Variants in MED13 observed in about 807,000 individuals in gnomAD.
MED13 encodes mediator of RNA polymerase II transcription subunit 13.
MED13 carries 23 observed loss-of-function variants against 225.2 expected under a neutral mutation model. That is an observed-to-expected ratio of 0.10 (90% CI 0.07 to 0.14). MED13 has a LOEUF of 0.14. Ranked by LOEUF, MED13 falls within the 10% of genes least tolerant of loss-of-function variation. MED13 has a pLI of 1.00. For synonymous variants in MED13, 942 were observed against 889.2 expected (o/e 1.06, Z -1.06); for missense variants, 2,197 against 2,594.5 (o/e 0.85, Z 3.33).
chr17:62,015,930 ATATATATATATATATATATATATATTT>A (rs1329932947), intron 8 of MED13, among the ~76,000 whole-genome samples: 9 of 6,644 alleles, frequency 1.4e-3, no homozygotes, highest in African/African-American at 2.8e-3. Flanking sequence ...ATATATATAT[ATATATATATATATATATATATATATTT>A]TTTTTTTTTT....
At chr17:61,993,835 G>GCAGGAGAATCACTTGAAT (rs2080323794) in intron 10 of MED13, among the ~76,000 whole-genome samples, 1 of 151,764 alleles carries the variant, frequency 6.6e-6, no homozygotes, top group Admixed American at 6.6e-5. Flanking sequence ...GGAGGCTGAG[G>GCAGGAGAATCACTTGAAT]CAGGAGAATC....
intron 8 of MED13, among the ~76,000 whole-genome samples, chr17:62,016,547 T>C (rs1187347432): frequency 1.3e-5 from 2 of 152,202 alleles, no homozygotes; most frequent in Non-Finnish European, 2.9e-5. Context: ...ACAAGTTACA[T>C]GTAGCTATTA....
intron 8 of MED13, among the ~76,000 whole-genome samples, chr17:62,012,960 T>A (rs1035928808): frequency 6.6e-6 from 1 of 151,986 alleles, no homozygotes; most frequent in African/African-American, 2.4e-5. Context: ...ACCTAGCTAA[T>A]TTTTGTATTT....
intron 8 of MED13, among the ~76,000 whole-genome samples, chr17:62,011,467 C>T (rs1427967466): frequency 6.6e-6 from 1 of 152,088 alleles, no homozygotes; most frequent in Non-Finnish European, 1.5e-5. Flanking sequence ...ATTTAATAGC[C>T]ATGTGATCAG....
chr17:62,036,074 G>GGTC (rs1435349008), intron 3 of MED13, among the ~76,000 whole-genome samples: 3 of 150,658 alleles, frequency 2.0e-5, no homozygotes, highest in Non-Finnish European at 1.5e-5. Flanking sequence ...ACAGATGTGG[G>GGTC]CCACTGTACC....
intron 11 of MED13, among the ~76,000 whole-genome samples, chr17:61,991,960 T>C (rs941497987): frequency 2.0e-5 from 3 of 152,212 alleles, no homozygotes; most frequent in Admixed American, 1.3e-4. Flanking sequence ...TTTTCAATTA[T>C]AATTTAAACA....
chr17:61,959,310 A>G (rs2079977060), intron 23 of MED13, among the ~76,000 whole-genome samples: 1 of 152,242 alleles, frequency 6.6e-6, no homozygotes, highest in South Asian at 2.1e-4. Context: ...CACCATGCCC[A>G]GCCCCATCAT....
Position 61,962,845 on chromosome 17 carries a change from G to C in MED13, c.4971C>G (p.Asn1657Lys). The C allele has an allele frequency of 6.2e-7, 1 of 1,614,104 alleles. No homozygotes were observed. ...FTYENTDEST[N>K]SSSVWTLGLL... Reference sequence around the variant, plus strand: ...GCCCCAATGTCCACACACTAGAAGAGTTAGTGCTCTCGTCTGTATTTTCGT... The same window carrying C: ...GCCCCAATGTCCACACACTAGAAGACTTAGTGCTCTCGTCTGTATTTTCGT... The change falls in exon 21 of 30, where the codon AAC becomes AAG. Residue 1657 changes from asparagine to lysine, a missense_variant. Coordinates refer to ENST00000397786, the MANE Select transcript of MED13 (RefSeq NM_005121.3).
In MED13 at chr17:62,063,252, G is replaced by A. The variant is rs552358717; in HGVS notation, c.116C>T (p.Thr39Ile). ...KWKKYVWQGPTSAPILFPVTE... is the reference protein window; with the variant it reads ...KWKKYVWQGPISAPILFPVTE... ...CACAGGAAACAGAATAGGGGCAGAA[G>A]TTGGGCCTTGCCATACATATTTTTT... Residue 39 changes from threonine to isoleucine, a missense_variant, in exon 2 of 30, where the codon ACT (threonine) becomes ATT (isoleucine). By Grantham distance (89) the Thr-to-Ile change is moderately conservative (BLOSUM62 -1). Around this residue, in one of 12 missense-constraint regions of MED13, gnomAD observed 884 missense variants for 918.5 expected, o/e 0.96. Coordinates refer to ENST00000397786, the MANE Select transcript of MED13 (RefSeq NM_005121.3). 1.4e-5 allele frequency: 22 copies of A among 1,614,112 alleles called. No individual in the cohort carries two copies. Among genetic ancestry groups the A allele is most frequent in the Non-Finnish European group, 1.8e-5 (21 of 1,179,978 alleles).
At position 62,059,803 on chromosome 17, in the gene MED13, G is replaced by A. The variant is rs145009228; in HGVS notation, c.301+3264C>T. Among the ~76,000 whole-genome samples the A allele has an allele frequency of 1.1e-4, 16 of 152,236 alleles. No individual in the cohort carries two copies. In the East Asian group the frequency reaches 2.7e-3, roughly 26 times the overall value. On this transcript the variant is annotated intron_variant, in intron 2 of 29. Coordinates refer to ENST00000397786, the MANE Select transcript of MED13 (RefSeq NM_005121.3). ...AAAACCTTATTATGCTTTAAGATAC[G>A]TCTGATTTAAGTAACAACATTCTTA...
At chr17:62,048,112 GA>G (rs1433655344) in intron 3 of MED13, among the ~76,000 whole-genome samples, 1 of 147,472 alleles carries the variant, frequency 6.8e-6, no homozygotes, top group Non-Finnish European at 1.5e-5. Context: ...AGGTGTAACT[GA>G]AAAGAGAAGG....
intron 3 of MED13, among the ~76,000 whole-genome samples, chr17:62,048,056 A>ATATATG (rs2080916913): frequency 2.8e-5 from 4 of 145,152 alleles, no homozygotes; most frequent in South Asian, 2.1e-4. Flanking sequence ...ATATATATAT[A>ATATATG]TATATATGTA....
chr17:62,041,418 T>G (rs868833101), intron 3 of MED13, among the ~76,000 whole-genome samples: 2 of 152,176 alleles, frequency 1.3e-5, no homozygotes, highest in African/African-American at 4.8e-5. Flanking sequence ...CATAAAATTT[T>G]ATGAGTACAC....
intron 11 of MED13, among the ~76,000 whole-genome samples, chr17:61,990,313 CATAT>C (rs1008900978): frequency 6.6e-6 from 1 of 151,932 alleles, no homozygotes; most frequent in African/African-American, 2.4e-5. Context: ...TACACACACA[CATAT>C]ATATACACAC....
At chr17:61,977,380 G>A (rs2080166281) in intron 16 of MED13, among the ~76,000 whole-genome samples, 1 of 152,208 alleles carries the variant, frequency 6.6e-6, no homozygotes, top group Non-Finnish European at 1.5e-5. Context: ...TCTAATGCAG[G>A]AGCTTGCCAC....
chr17:61,958,009 C>T lies in MED13; in HGVS notation c.5481-1528G>A, dbSNP rs181724047. Among the ~76,000 whole-genome samples, 1,119 of 151,778 alleles carry T rather than the reference C, an allele frequency of 7.4e-3. 14 individuals carry two copies. The highest frequency in any genetic ancestry group is 0.026 in the African/African-American group (1,072 of 41,434). ...CCTCCCGAGTAGCTGGGACTACAGG[C>T]GCCCGCCACTACGCCCAGCTAATGT... On this transcript the variant is annotated intron_variant, in intron 23 of 29. Transcript: ENST00000397786.
intron 11 of MED13, among the ~76,000 whole-genome samples, chr17:61,988,584 T>C (rs1269061808): frequency 6.6e-6 from 1 of 152,184 alleles, no homozygotes; most frequent in Admixed American, 6.6e-5. Context: ...AAGCTCCACC[T>C]TGGAGATACT....
intron 8 of MED13, among the ~76,000 whole-genome samples, chr17:62,024,666 T>C (rs1221228550): frequency 6.6e-6 from 1 of 152,214 alleles, no homozygotes; most frequent in Non-Finnish European, 1.5e-5. Context: ...ATCCAATAGT[T>C]ATTTTTTCTG....
chr17:61,984,715 A>G lies in MED13; in HGVS notation c.2627T>C (p.Ile876Thr). 2.5e-6 allele frequency: 4 copies of G among 1,614,040 alleles called. No individual in the cohort carries two copies. The highest frequency in any genetic ancestry group is 3.4e-6 in the Non-Finnish European group (4 of 1,179,954). Residue 876 changes from isoleucine to threonine, a missense_variant, in exon 14 of 30, where the codon ATA (isoleucine) becomes ACA (threonine). This residue lies in a region of MED13 where 160 missense variants were observed against 184.8 expected (regional missense o/e 0.87). Coordinates refer to ENST00000397786, the MANE Select transcript of MED13 (RefSeq NM_005121.3). ...AACCTCAATTTTGAACTGCGCTCCTATACTAGAACTATTTCCTTCTAGAAC... is the reference window on the plus strand; with the variant it reads ...AACCTCAATTTTGAACTGCGCTCCTGTACTAGAACTATTTCCTTCTAGAAC... Reference protein sequence around the residue: ...GTVLEGNSSSIGAQFKIEVDE... With the variant: ...GTVLEGNSSSTGAQFKIEVDE...
Sources: allele counts gnomAD v4.1 joint callset (sites outside exome capture counted in the v4.1 genomes callset), GRCh38; gene constraint gnomAD v4.1.1; regional missense constraint gnomAD v4.1.1; transcripts MANE v1.5; gene names NCBI Gene and HGNC (gene_info 2026-07-23, HGNC 2026-07-21).